The following EYA1 variants were observed in gnomAD, a reference collection of about 807,000 sequenced individuals.
EYA1 encodes EYA transcriptional coactivator and phosphatase 1.
A neutral mutation model predicts 82.0 loss-of-function variants in EYA1; 16 were observed. The observed-to-expected ratio is 0.20, with a 90% CI of 0.13 to 0.30. EYA1 has a LOEUF of 0.30. Among genes scored for constraint, EYA1 ranks in the 10% least tolerant of loss-of-function variants. The pLI, the probability that EYA1 is intolerant of heterozygous loss-of-function variation, is 1.00. For missense variants in EYA1, 633 were observed against 730.7 expected, an observed-to-expected ratio of 0.87 and a Z score of 1.54; for synonymous variants, 261 against 264.4, an observed-to-expected ratio of 0.99 and a Z score of 0.12.
chr8:71,268,912 A>G (rs930191169), intron 11 of EYA1, among the ~76,000 whole-genome samples: 1 of 152,250 alleles, frequency 6.6e-6, no homozygotes, highest in African/African-American at 2.4e-5. Context: ...TCACTGGGAC[A>G]TAATAAGAAT....
At chr8:71,317,769 C>G (rs190940879) in intron 6 of EYA1, 80 bp from the exon 7 acceptor site, 8 of 1,317,448 alleles carry the variant, frequency 6.1e-6, no homozygotes, top group Non-Finnish European at 8.7e-6. Context: ...CTTCCACAAC[C>G]GTTTAACTAC....
intron 3 of EYA1, among the ~76,000 whole-genome samples, chr8:71,334,551 T>C (rs186724989): frequency 1.8e-4 from 27 of 152,242 alleles, no homozygotes; most frequent in African/African-American, 6.0e-4. Context: ...GTCAAAAGGA[T>C]AGAACAGAAA....
intron 12 of EYA1, among the ~76,000 whole-genome samples, chr8:71,223,228 T>C (rs1471172345): frequency 6.6e-6 from 1 of 152,122 alleles, no homozygotes; most frequent in Non-Finnish European, 1.5e-5. Flanking sequence ...GCCACCGTCA[T>C]GGCAGGGGAA....
intron 11 of EYA1, among the ~76,000 whole-genome samples, chr8:71,261,779 G>A (rs536460064): frequency 6.6e-6 from 1 of 152,284 alleles, no homozygotes; most frequent in East Asian, 1.9e-4. Context: ...AGGGGCCCAT[G>A]GGGTGCTAAG....
intron 2 of EYA1, among the ~76,000 whole-genome samples, chr8:71,395,010 C>G (rs1234854768): frequency 6.6e-6 from 1 of 152,120 alleles, no homozygotes; most frequent in African/African-American, 2.4e-5. Flanking sequence ...TCCTTCACAT[C>G]CCTTGTAAGG....
intron 2 of EYA1, among the ~76,000 whole-genome samples, chr8:71,408,081 G>C (rs1350314313): frequency 1.3e-5 from 2 of 152,020 alleles, no homozygotes; most frequent in East Asian, 3.9e-4. Context: ...CATGCTTAAA[G>C]AAAAGAATTT....
intron 2 of EYA1, among the ~76,000 whole-genome samples, chr8:71,377,665 A>T (rs73684762): frequency 0.013 from 2,000 of 152,256 alleles, 46 homozygotes; most frequent in African/African-American, 0.046. Flanking sequence ...ATTGTTGTGC[A>T]TCACCATCAT....
At chr8:71,408,445 A>T (rs1159506938) in intron 2 of EYA1, among the ~76,000 whole-genome samples, 1 of 114,272 alleles carries the variant, frequency 8.8e-6, no homozygotes, top group Non-Finnish European at 1.9e-5. Context: ...ATAAAGAGTG[A>T]AGACCCATCA....
chr8:71,288,429 T>C (rs1030093137), intron 9 of EYA1, among the ~76,000 whole-genome samples: 47 of 152,288 alleles, frequency 3.1e-4, no homozygotes, highest in African/African-American at 9.9e-4. Flanking sequence ...TAGTGTCCCA[T>C]TCAGAGATGT....
At chr8:71,356,418 G>A in intron 2 of EYA1, 44 bp downstream of exon 2, 2 of 1,520,578 alleles carry the variant, frequency 1.3e-6, no homozygotes, top group Non-Finnish European at 1.8e-6. Flanking sequence ...ATGGGTCACA[G>A]AAAGGTAATC....
At chr8:71,293,562 T>C (rs545298797) in intron 9 of EYA1, among the ~76,000 whole-genome samples, 13 of 151,952 alleles carry the variant, frequency 8.6e-5, no homozygotes, top group Non-Finnish European at 1.9e-4. Flanking sequence ...GCAAACTGAA[T>C]CCAACAATGT....
chr8:71,264,769 G>A (rs142044154), intron 11 of EYA1, among the ~76,000 whole-genome samples: 120 of 151,532 alleles, frequency 7.9e-4, no homozygotes, highest in African/African-American at 2.9e-3. Context: ...TTTTTGTAGC[G>A]ATGGACTCTT....
intron 12 of EYA1, among the ~76,000 whole-genome samples, chr8:71,231,184 TTC>T (rs1811149488): frequency 6.6e-6 from 1 of 152,234 alleles, no homozygotes; most frequent in Non-Finnish European, 1.5e-5. Flanking sequence ...TCAGCCCCTG[TTC>T]TCTGTCTCCA....
intron 2 of EYA1, chr8:71,404,917 C>CAA (rs766716754): frequency 0.054 from 2,081 of 38,796 alleles, 93 homozygotes; most frequent in Non-Finnish European, 0.065. Context: ...GACTCCACCT[C>CAA]AAAAAAAAAA....
intron 2 of EYA1, among the ~76,000 whole-genome samples, chr8:71,454,655 G>T (rs1807722171): frequency 6.6e-6 from 1 of 152,194 alleles, no homozygotes; most frequent in Non-Finnish European, 1.5e-5. Flanking sequence ...AGAACAACCT[G>T]CTCCTGAATG....
intron 17 of EYA1, among the ~76,000 whole-genome samples, chr8:71,201,845 T>C (rs2128808565): frequency 6.6e-6 from 1 of 152,360 alleles, no homozygotes; most frequent in African/African-American, 2.4e-5. Context: ...ATTTTTATAT[T>C]CTCTTTATTT....
At chr8:71,286,124 C>A (rs1265405742) in intron 9 of EYA1, among the ~76,000 whole-genome samples, 2 of 152,188 alleles carry the variant, frequency 1.3e-5, no homozygotes, top group African/African-American at 4.8e-5. Flanking sequence ...TGACAAACAA[C>A]TTCTCCACAA....
At position 71,271,775 on chromosome 8, in the gene EYA1, G is replaced by A; in HGVS notation, c.949C>T (p.Pro317Ser). Residue 317 changes from proline (P) to serine (S), a missense_variant, in exon 10 of 18, where the codon CCA (proline) becomes TCA (serine). Pro to Ser is a moderately conservative substitution (Grantham distance 74). Transcript: ENST00000340726. ...TGACGTACCTCAAGATCAGAATCTGGGGGAGGTGAAGGATTATTGTTTCTT... is the reference window on the plus strand; with the variant it reads ...TGACGTACCTCAAGATCAGAATCTGAGGGAGGTGAAGGATTATTGTTTCTT... ...GRRNNNPSPP[P>S]DSDLERVFIW... 1 of 1,614,172 alleles carries A rather than the reference G, an allele frequency of 6.2e-7. No individual in the cohort carries two copies. The highest frequency in any genetic ancestry group is 1.3e-5 in the African/African-American group (1 of 75,026).
rs73288364 is a variant in EYA1, at chr8:71,272,814, C to G, written c.827-917G>C. On this transcript the variant is annotated intron_variant, in intron 9 of 17. Transcript: ENST00000340726. Reference sequence around the variant, plus strand: ...AAAAAGCTGGCTCACCCCACAAACTCTTTTCCAGATTTCTGTACCAGATTT... The same window carrying G: ...AAAAAGCTGGCTCACCCCACAAACTGTTTTCCAGATTTCTGTACCAGATTT... 9.3e-3 allele frequency among the ~76,000 whole-genome samples: 1,420 copies of G among 152,328 alleles called. 28 individuals are homozygous for G. The highest frequency in any genetic ancestry group is 0.032 in the African/African-American group (1,349 of 41,566).
Sources: gnomAD v4.1 joint callset for allele counts (sites outside exome capture counted in the v4.1 genomes callset) on GRCh38, gnomAD v4.1.1 for gene constraint, MANE v1.5 for transcripts, NCBI Gene and HGNC (gene_info 2026-07-23, HGNC 2026-07-21) for gene names.